The following GAS7 variants were observed in gnomAD, a reference collection of about 807,000 sequenced individuals.
GAS7 encodes growth arrest-specific protein 7.
GAS7 carries 28 observed loss-of-function variants against 71.1 expected under a neutral mutation model. The ratio of observed to expected loss-of-function variants is 0.39; its 90% CI spans 0.29 to 0.54. The LOEUF is 0.54. GAS7 is among the 20% of genes least tolerant of loss of function. The pLI is 0.62. For synonymous variants in GAS7, 258 were observed against 245.8 expected (o/e 1.05, Z -0.46); for missense variants, 436 against 627.8 (o/e 0.69, Z 3.27).
chr17:10,120,056 T>C (rs1010530350), intron 1 of GAS7, among the ~76,000 whole-genome samples: 5 of 152,176 alleles, frequency 3.3e-5, no homozygotes, highest in African/African-American at 1.2e-4. Flanking sequence ...CACCAAGGGT[T>C]TTCCTGCTGG....
intron 1 of GAS7, among the ~76,000 whole-genome samples, chr17:10,050,898 G>A (rs559065059): frequency 6.6e-6 from 1 of 152,288 alleles, no homozygotes; most frequent in African/African-American, 2.4e-5. Flanking sequence ...TTCTGCTACA[G>A]AGATTCTCAA....
chr17:9,972,534 G>A (rs888262212), intron 3 of GAS7, among the ~76,000 whole-genome samples: 2 of 152,130 alleles, frequency 1.3e-5, no homozygotes, highest in African/African-American at 4.8e-5. Flanking sequence ...AAGAAGACCC[G>A]AATAATTTAA....
intron 9 of GAS7, among the ~76,000 whole-genome samples, chr17:9,929,356 T>C (rs929442757): frequency 2.0e-5 from 3 of 152,226 alleles, no homozygotes; most frequent in African/African-American, 7.2e-5. Flanking sequence ...GCCAGGAAGC[T>C]TTCCCCAAAT....
chr17:10,014,510 C>T (rs1351153597), intron 2 of GAS7, among the ~76,000 whole-genome samples: 1 of 152,186 alleles, frequency 6.6e-6, no homozygotes, highest in Admixed American at 6.5e-5. Flanking sequence ...CTCTCTCTCT[C>T]ACCTCTTTCT....
intron 1 of GAS7, among the ~76,000 whole-genome samples, chr17:10,173,050 C>T (rs1182210281): frequency 6.6e-6 from 1 of 152,204 alleles, no homozygotes; most frequent in Admixed American, 6.5e-5. Context: ...ACCCTGAAGA[C>T]ATCATGTCAA....
chr17:9,994,213 A>G (rs1364108288), intron 2 of GAS7, among the ~76,000 whole-genome samples: 30 of 151,160 alleles, frequency 2.0e-4, no homozygotes, highest in Non-Finnish European at 3.1e-4. Flanking sequence ...AAAAGAGCCC[A>G]CATCGCCAAG....
intron 1 of GAS7, among the ~76,000 whole-genome samples, chr17:10,125,844 C>A (rs1483673573): frequency 6.6e-6 from 1 of 152,090 alleles, no homozygotes; most frequent in Non-Finnish European, 1.5e-5. Flanking sequence ...GCCCCTCCAC[C>A]CTGTGTTATT....
At chr17:9,920,842 T>C (rs2067778128) in intron 11 of GAS7, among the ~76,000 whole-genome samples, 1 of 152,218 alleles carries the variant, frequency 6.6e-6, no homozygotes, top group Non-Finnish European at 1.5e-5. Flanking sequence ...AGAAGCAGAA[T>C]GCTAGAGTAG....
At chr17:10,021,478 C>A (rs2072266516) in intron 1 of GAS7, among the ~76,000 whole-genome samples, 1 of 152,230 alleles carries the variant, frequency 6.6e-6, no homozygotes, top group African/African-American at 2.4e-5. Context: ...CCCTTCTGCC[C>A]TCTGCGTAGC....
intron 2 of GAS7, among the ~76,000 whole-genome samples, chr17:10,018,849 G>A (rs545332629): frequency 6.6e-6 from 1 of 152,314 alleles, no homozygotes; most frequent in South Asian, 2.1e-4. Context: ...GCCAGCAGTG[G>A]ACTTGGGTAC....
chr17:10,107,368 A>G (rs1476439011), intron 1 of GAS7, among the ~76,000 whole-genome samples: 1 of 94,660 alleles, frequency 1.1e-5, no homozygotes, highest in Non-Finnish European at 2.2e-5. Flanking sequence ...CCAATGAGAC[A>G]CAGGGTTTTA....
intron 9 of GAS7, among the ~76,000 whole-genome samples, chr17:9,927,316 C>CACACATACACACACACACACACAT (rs60101494): frequency 6.7e-6 from 1 of 149,888 alleles, no homozygotes; most frequent in African/African-American, 2.5e-5. Context: ...CACACACACA[C>CACACATACACACACACACACACAT]ACACACACAC....
At chr17:10,194,858 C>CAAAAAAAAA in intron 1 of GAS7, among the ~76,000 whole-genome samples, 1 of 85,196 alleles carries the variant, frequency 1.2e-5, no homozygotes, top group Non-Finnish European at 2.6e-5. Flanking sequence ...GACTCTGTCT[C>CAAAAAAAAA]AAAAAAAAAA....
chr17:10,010,980 G>A (rs2071747645), intron 2 of GAS7, among the ~76,000 whole-genome samples: 1 of 152,222 alleles, frequency 6.6e-6, no homozygotes. Context: ...AAACAGCTGT[G>A]AGTTGAATTT....
intron 1 of GAS7, among the ~76,000 whole-genome samples, chr17:10,193,647 A>T (rs571344280): frequency 4.0e-4 from 61 of 152,362 alleles, no homozygotes; most frequent in Non-Finnish European, 1.3e-4. Context: ...CTGAAGAGAA[A>T]GGCCATGTGG....
chr17:10,015,509 G>A (rs1171455696), intron 2 of GAS7, among the ~76,000 whole-genome samples: 1 of 152,208 alleles, frequency 6.6e-6, no homozygotes, highest in Non-Finnish European at 1.5e-5. Context: ...CAGCAGTGAG[G>A]AGGCACAAGC....
chr17:10,124,373 C>T (rs998638952), intron 1 of GAS7, among the ~76,000 whole-genome samples: 2 of 109,902 alleles, frequency 1.8e-5, no homozygotes, highest in African/African-American at 5.9e-5. Flanking sequence ...AAGGAAAGCG[C>T]AGCCTCCACA....
intron 2 of GAS7, among the ~76,000 whole-genome samples, chr17:9,992,917 C>A: frequency 6.6e-6 from 1 of 151,810 alleles, no homozygotes; most frequent in Non-Finnish European, 1.5e-5. Flanking sequence ...ATCCATGTCC[C>A]TACAAAGGAC....
rs950052494 is a variant in GAS7 at position 9,932,753 on chromosome 17, A to G, written c.885+1413T>C. ...GAGGGCTCTGTTCATTCATGACTCAATAAGAAAATATTTATTAAGCATCTA... is the reference window on the plus strand; with the variant it reads ...GAGGGCTCTGTTCATTCATGACTCAGTAAGAAAATATTTATTAAGCATCTA... On this transcript the variant is annotated intron_variant, in intron 9 of 13. Transcript: ENST00000432992. Among the ~76,000 whole-genome samples, 5 of 152,244 alleles carry G rather than the reference A, an allele frequency of 3.3e-5. No individual in the cohort carries two copies. The South Asian group carries it at 8.3e-4, about 25-fold the overall frequency.
Sources: gnomAD v4.1 joint callset for allele counts (sites outside exome capture counted in the v4.1 genomes callset) on GRCh38, gnomAD v4.1.1 for gene constraint, MANE v1.5 for transcripts, NCBI Gene and HGNC (gene_info 2026-07-23, HGNC 2026-07-21) for gene names.